The following LRP2 variants were observed in gnomAD, a reference collection of about 807,000 sequenced individuals.
The protein encoded by LRP2 is LDL receptor related protein 2.
LRP2 carries 172 observed loss-of-function variants against 531.0 expected under a neutral mutation model. That is an observed-to-expected ratio of 0.32 (90% CI 0.29 to 0.37). The LOEUF is 0.37. Ranked by LOEUF, LRP2 falls within the 10% of genes least tolerant of loss-of-function variation. The pLI is 1.00. For synonymous variants in LRP2, 1,992 were observed against 2,027.6 expected (o/e 0.98, Z 0.47); for missense variants, 5,167 against 5,868.3 (o/e 0.88, Z 3.90).
chr2:169,224,099 T>C (rs1392516737), intron 33 of LRP2, among the ~76,000 whole-genome samples: 1 of 152,208 alleles, frequency 6.6e-6, no homozygotes, highest in Non-Finnish European at 1.5e-5. Context: ...GTTCTTAGTC[T>C]ACAGAGAGTG....
chr2:169,300,815 G>A (rs1684268998), intron 4 of LRP2, among the ~76,000 whole-genome samples: 1 of 151,986 alleles, frequency 6.6e-6, no homozygotes, highest in Non-Finnish European at 1.5e-5. Context: ...GAATAGCAAG[G>A]GCAAGGCTCG....
chr2:169,216,173 A>G (rs1688780335), intron 35 of LRP2, 80 bp downstream of exon 35: 4 of 1,453,344 alleles, frequency 2.8e-6, no homozygotes, highest in Non-Finnish European at 3.8e-6. Flanking sequence ...TTCAAGAACC[A>G]CTGCCTGACA....
intron 71 of LRP2, 86 bp downstream of exon 71, chr2:169,142,588 A>T (rs781292667): frequency 5.7e-6 from 9 of 1,581,808 alleles, no homozygotes; most frequent in Non-Finnish European, 7.8e-6. Flanking sequence ...GCTGCAAAGG[A>T]CCCAGCATAC....
rs182066259 is a variant in LRP2 at position 169,169,279 on chromosome 2, T to C, written c.11497+423A>G. Among the ~76,000 whole-genome samples the C allele has an allele frequency of 1.5e-3, 227 of 152,342 alleles. 1 individual carries two copies. Among genetic ancestry groups the C allele is most frequent in the Admixed American group, 0.013 (206 of 15,308 alleles). The stretch of plus-strand genomic sequence containing the variant: ...GTGGAGGGGCTGGCCCCCTTCAAGT[T>C]TTAATCATTTTTATACTCCATCGTG... On this transcript the variant is annotated intron_variant, in intron 60 of 78. Transcript: ENST00000649046.
At chr2:169,220,586 A>G (rs1688956372) in intron 33 of LRP2, 23 bp from the exon 34 acceptor site, 2 of 1,517,458 alleles carry the variant, frequency 1.3e-6, no homozygotes, top group East Asian at 2.3e-5. Context: ...ATCACTTATT[A>G]GAACTGACTT....
At chr2:169,300,280 T>C (rs1684255718) in intron 4 of LRP2, among the ~76,000 whole-genome samples, 1 of 151,920 alleles carries the variant, frequency 6.6e-6, no homozygotes, top group Non-Finnish European at 1.5e-5. Flanking sequence ...AAAATAGAGC[T>C]GGGTAAAAGG....
At chr2:169,257,064 C>T in intron 18 of LRP2, 60 bp downstream of exon 18, 9 of 1,603,408 alleles carry the variant, frequency 5.6e-6, no homozygotes, top group Non-Finnish European at 7.7e-6. Context: ...CCCAACCTGC[C>T]TCATTATGTG....
rs915548075 is a variant in LRP2, at chr2:169,128,206, A to G, written c.*457T>C. On this transcript the variant is annotated 3_prime_UTR_variant, in exon 79 of 79. Coordinates refer to ENST00000649046, the MANE Select transcript of LRP2 (RefSeq NM_004525.3). ...ATTAATTAAGTGCTAATGTGTAAAA[A>G]TGGACCCAAGAGCGGGGCCTGGATT... 1.1e-5 allele frequency: 2 copies of G among 180,886 alleles called. No individual in the cohort carries two copies. The highest frequency in any genetic ancestry group is 4.8e-5 in the African/African-American group (2 of 41,614). 11.2% of individuals were successfully genotyped at this position (180,886 alleles called of 1,614,324 possible).
intron 22 of LRP2, 58 bp downstream of exon 22, chr2:169,244,635 G>C: frequency 6.2e-7 from 1 of 1,610,706 alleles, no homozygotes; most frequent in Non-Finnish European, 8.5e-7. Context: ...AAGGCCATTT[G>C]GTTGTTGAAG....
chr2:169,221,208 C>A (rs889328787), intron 33 of LRP2, among the ~76,000 whole-genome samples: 1 of 152,180 alleles, frequency 6.6e-6, no homozygotes, highest in African/African-American at 2.4e-5. Context: ...TAAAGCAGCA[C>A]ACCACCCAGC....
intron 52 of LRP2, among the ~76,000 whole-genome samples, chr2:169,180,784 A>C (rs9287911): frequency 6.6e-6 from 1 of 152,106 alleles, no homozygotes; most frequent in African/African-American, 2.4e-5. Context: ...GCAGAAGACA[A>C]TACTATGGTC....
chr2:169,181,380 G>T, intron 52 of LRP2, 68 bp downstream of exon 52: 1 of 1,499,622 alleles, frequency 6.7e-7, no homozygotes, highest in South Asian at 1.1e-5. Flanking sequence ...CTAATAGACT[G>T]GAATCACAAG....
rs563203046 is a variant in LRP2 at position 169,173,944 on chromosome 2, G to A, written c.10989C>T (p.His3663=). ...TGCATTCTTCAATGGGCTCATCCGA[G>A]TGGTCTCCACAATCATTATCCACAT... ...KCDVDNDCGD[H]SDEPIEECMS... Residue 3663 remains histidine (H), a synonymous_variant, in exon 56 of 79, where the codon CAC becomes CAT. Coordinates refer to ENST00000649046, the MANE Select transcript of LRP2 (RefSeq NM_004525.3). 31 of 1,614,070 alleles carry A rather than the reference G, an allele frequency of 1.9e-5. No individual in the cohort carries two copies. Among genetic ancestry groups the A allele is most frequent in the Non-Finnish European group, 2.6e-5 (31 of 1,180,048 alleles).
intron 1 of LRP2, among the ~76,000 whole-genome samples, chr2:169,354,925 T>C (rs984279755): frequency 6.6e-6 from 1 of 152,320 alleles, no homozygotes; most frequent in Non-Finnish European, 1.5e-5. Flanking sequence ...CCCATCCTTA[T>C]AGCAAAGGAC....
At chr2:169,349,862 C>T (rs750829296) in intron 1 of LRP2, among the ~76,000 whole-genome samples, 3 of 152,198 alleles carry the variant, frequency 2.0e-5, no homozygotes, top group Non-Finnish European at 2.9e-5. Context: ...ATATTATATA[C>T]TCCAAGCTCC....
intron 25 of LRP2, 154 bp downstream of exon 25, chr2:169,240,834 A>G: frequency 1.2e-6 from 1 of 866,504 alleles, no homozygotes; most frequent in Non-Finnish European, 1.9e-6. Flanking sequence ...ATGTATTTGA[A>G]TTCAATTATG....
intron 37 of LRP2, among the ~76,000 whole-genome samples, chr2:169,210,831 T>G (rs1466440651): frequency 2.0e-5 from 3 of 152,176 alleles, no homozygotes; most frequent in African/African-American, 7.2e-5. Flanking sequence ...TAAAGTGGCA[T>G]GGTATTAAAA....
At chr2:169,353,916 G>C (rs1203031294) in intron 1 of LRP2, among the ~76,000 whole-genome samples, 4 of 152,304 alleles carry the variant, frequency 2.6e-5, no homozygotes, top group African/African-American at 9.6e-5. Flanking sequence ...TCTTCAGCCT[G>C]GGAAGTTGAG....
rs1437549597 is a variant in LRP2 at position 169,237,156 on chromosome 2, C to T, written c.4638G>A (p.Leu1546=). The change falls in exon 28 of 79, where the codon CTG becomes CTA. Residue 1546 remains leucine, a synonymous_variant. Coordinates refer to ENST00000649046, the MANE Select transcript of LRP2 (RefSeq NM_004525.3). The part of the protein sequence containing the change: ...SKIDGSHRTV[L]ISKNLTNPRG... ...TTGGATTTGTTAGGTTTTTACTAATCAGCACAGTCCTGTGGCTCCCATCAA... is the reference window on the plus strand; with the variant it reads ...TTGGATTTGTTAGGTTTTTACTAATTAGCACAGTCCTGTGGCTCCCATCAA... 1 of 1,614,000 alleles carries T rather than the reference C, an allele frequency of 6.2e-7. No individual in the cohort carries two copies. Among genetic ancestry groups the T allele is most frequent in the African/African-American group, 1.3e-5 (1 of 75,034 alleles).
Sources: gnomAD v4.1 joint callset for allele counts (sites outside exome capture counted in the v4.1 genomes callset) on GRCh38, gnomAD v4.1.1 for gene constraint, MANE v1.5 for transcripts, NCBI Gene and HGNC (gene_info 2026-07-23, HGNC 2026-07-21) for gene names.